Variants in GRK5 observed in about 807,000 individuals in gnomAD.
GRK5 encodes the protein g protein-coupled receptor kinase GRK5.
Under a neutral mutation model 78.4 loss-of-function variants are expected in GRK5, and 40 were observed. That is an observed-to-expected ratio of 0.51 (90% CI 0.40 to 0.66). The LOEUF is 0.66. Among genes scored for constraint, GRK5 ranks in the 30% least tolerant of loss-of-function variants. GRK5 has a pLI of 0.00. For synonymous variants in GRK5, 289 were observed against 296.8 expected, an observed-to-expected ratio of 0.97 and a Z score of 0.27; for missense variants, 598 against 759.9, an observed-to-expected ratio of 0.79 and a Z score of 2.50.
At chr10:119,275,940 C>G (rs974661155) in intron 1 of GRK5, among the ~76,000 whole-genome samples, 4 of 152,156 alleles carry the variant, frequency 2.6e-5, no homozygotes, top group Admixed American at 6.5e-5. Flanking sequence ...ACCCGATTTT[C>G]CATAGCTGTG....
chr10:119,316,251 C>A (rs982944254), intron 1 of GRK5, among the ~76,000 whole-genome samples: 1 of 152,236 alleles, frequency 6.6e-6, no homozygotes, highest in African/African-American at 2.4e-5. Flanking sequence ...ACTCTAGAGT[C>A]ACCTGTGACA....
rs1049268943 is a variant in GRK5 at position 119,415,335 on chromosome 10, G to A, written c.340-7831G>A. ...TCCAGTAGCCAGAAAGCTGGAGCTC[G>A]CCCAGGAAACAGCCAGTGTGGGGCC... On this transcript the variant is annotated intron_variant, in intron 4 of 15. Coordinates refer to ENST00000392870, the MANE Select transcript of GRK5 (RefSeq NM_005308.3). Among the ~76,000 whole-genome samples, 6 of 152,098 alleles carry A rather than the reference G, an allele frequency of 3.9e-5. 1 individual carries two copies. Among genetic ancestry groups the A allele is most frequent in the South Asian group, 4.1e-4 (2 of 4,826 alleles).
chr10:119,300,762 G>A (rs1411575050), intron 1 of GRK5, among the ~76,000 whole-genome samples: 1 of 152,132 alleles, frequency 6.6e-6, no homozygotes, highest in African/African-American at 2.4e-5. Context: ...AGACCATGGG[G>A]TTTGCTTTTT....
intron 1 of GRK5, among the ~76,000 whole-genome samples, chr10:119,297,806 C>T (rs1283780216): frequency 6.6e-6 from 1 of 152,196 alleles, no homozygotes; most frequent in Non-Finnish European, 1.5e-5. Context: ...ATAAATAAAC[C>T]TCTGTTGTTT....
At chr10:119,356,184 G>T (rs1218557232) in intron 2 of GRK5, among the ~76,000 whole-genome samples, 1 of 152,206 alleles carries the variant, frequency 6.6e-6, no homozygotes, top group East Asian at 1.9e-4. Flanking sequence ...GCTGTATTCA[G>T]ACTAAAGGAC....
intron 2 of GRK5, among the ~76,000 whole-genome samples, chr10:119,335,462 C>T (rs1850868043): frequency 6.6e-6 from 1 of 152,092 alleles, no homozygotes; most frequent in Non-Finnish European, 1.5e-5. Flanking sequence ...CTCCCAGATT[C>T]AAGCAATTCT....
rs182386986 is a variant in GRK5 at position 119,393,611 on chromosome 10, G to A, written c.262-3084G>A. ...TACATTCCCACGGTGCCGGACCAAC[G>A]GCGGGCTGTCCAGGGGCAGCAGGAC... On this transcript the variant is annotated intron_variant, in intron 3 of 15. Transcript: ENST00000392870. Among the ~76,000 whole-genome samples, 16 of 152,322 alleles carry A rather than the reference G, an allele frequency of 1.1e-4. No homozygotes were observed. The East Asian group carries it at 2.1e-3, about 20-fold the overall frequency.
chr10:119,216,172 G>A lies in GRK5; in HGVS notation c.52+8203G>A, dbSNP rs117775978. ...TCCGAAGCAAGGGAGTCTATCTGAC[G>A]TACCAGAGTCAACTGGTGACATCCT... On this transcript the variant is annotated intron_variant, in intron 1 of 15. Transcript: ENST00000392870. Among the ~76,000 whole-genome samples, 1,081 of 152,310 alleles carry A rather than the reference G, an allele frequency of 7.1e-3. 6 individuals carry two copies. Among genetic ancestry groups the A allele is most frequent in the Non-Finnish European group, 9.7e-3 (661 of 68,024 alleles).
At chr10:119,248,624 G>A (rs140600450) in intron 1 of GRK5, among the ~76,000 whole-genome samples, 77 of 152,120 alleles carry the variant, frequency 5.1e-4, no homozygotes, top group South Asian at 4.6e-3. Context: ...GGGGTGGCAA[G>A]CTATAGCCTC....
At position 119,238,513 on chromosome 10, in the gene GRK5, C is replaced by G. The variant is rs1461760345; in HGVS notation, c.52+30544C>G. Reference sequence around the variant, plus strand: ...AAATTTCTGGAACTGCGTTTAGTCTCAGTACATTAGGATTATTGCTAGAAA... The same window carrying G: ...AAATTTCTGGAACTGCGTTTAGTCTGAGTACATTAGGATTATTGCTAGAAA... On this transcript the variant is annotated intron_variant, in intron 1 of 15. Coordinates refer to ENST00000392870, the MANE Select transcript of GRK5 (RefSeq NM_005308.3). The surrounding 1 kb of genome is among the most constrained non-coding windows in gnomAD (Gnocchi z 4.7). Among the ~76,000 whole-genome samples the G allele has an allele frequency of 6.6e-6, 1 of 152,106 alleles. No homozygotes were observed. The highest frequency in any genetic ancestry group is 1.5e-5 in the Non-Finnish European group (1 of 68,032).
intron 2 of GRK5, chr10:119,334,988 G>C (rs879617784): frequency 6.6e-6 from 1 of 152,138 alleles, no homozygotes; most frequent in Non-Finnish European, 1.5e-5. Context: ...GGCTGTGGGG[G>C]ATTCCTAGAG....
In GRK5 at chr10:119,215,088, G is replaced by A. The variant is rs146684515; in HGVS notation, c.52+7119G>A. On this transcript the variant is annotated intron_variant, in intron 1 of 15. Coordinates refer to ENST00000392870, the MANE Select transcript of GRK5 (RefSeq NM_005308.3). ...TTTGACATAGCCTGTCACAGGGAAT[G>A]ACCGAAAAGATTAAAGGTACCTGTT... 2.9e-3 allele frequency among the ~76,000 whole-genome samples: 438 copies of A among 152,346 alleles called. 3 individuals are homozygous for A. The highest frequency in any genetic ancestry group is 9.8e-3 in the African/African-American group (407 of 41,588).
chr10:119,250,184 G>A (rs773916733), intron 1 of GRK5, among the ~76,000 whole-genome samples: 8 of 152,182 alleles, frequency 5.3e-5, no homozygotes, highest in Admixed American at 1.3e-4. Context: ...AGTCTCTTCT[G>A]TGTTAAGCCT....
chr10:119,378,613 G>A lies in GRK5; in HGVS notation c.149-2202G>A, dbSNP rs1182122341. On this transcript the variant is annotated intron_variant, in intron 2 of 15. Transcript: ENST00000392870. The surrounding 1 kb of genome is among the most constrained non-coding windows in gnomAD (Gnocchi z 4.5). The stretch of plus-strand genomic sequence containing the variant: ...GTCCCCGTGTGGTGAATAAATGCCC[G>A]GGAGGGCGGGCTGCCTTCAGGGCTC... 6.6e-6 allele frequency among the ~76,000 whole-genome samples: 1 copy of A among 152,252 alleles called. No homozygotes were observed. The highest frequency in any genetic ancestry group is 2.4e-5 in the African/African-American group (1 of 41,478).
At chr10:119,399,405 G>C (rs990280647) in intron 4 of GRK5, among the ~76,000 whole-genome samples, 1 of 152,214 alleles carries the variant, frequency 6.6e-6, no homozygotes, top group Non-Finnish European at 1.5e-5. Context: ...GCGAGTGACT[G>C]AGGCCCCAGC....
Position 119,431,427 on chromosome 10 carries a change from C to T in GRK5, c.638C>T (p.Ala213Val). Residue 213 changes from alanine to valine, a missense_variant, in exon 8 of 16, where the codon GCC becomes GTC. Physicochemically the swap from Ala to Val is moderately conservative, Grantham distance 64 (BLOSUM62 0). Coordinates refer to ENST00000392870, the MANE Select transcript of GRK5 (RefSeq NM_005308.3). The surrounding 1 kb of genome is among the most constrained non-coding windows in gnomAD (Gnocchi z 4.8). ...CQVRATGKMY[A>V]CKRLEKKRIK... ...GTTCGGGCCACGGGTAAAATGTATG[C>T]CTGCAAGCGCTTGGAGAAGAAGAGG... The T allele has an allele frequency of 1.9e-6, 3 of 1,613,930 alleles. No homozygotes were observed. The highest frequency in any genetic ancestry group is 2.5e-6 in the Non-Finnish European group (3 of 1,179,910).
At chr10:119,306,999 C>T (rs935262284) in intron 1 of GRK5, among the ~76,000 whole-genome samples, 4 of 152,050 alleles carry the variant, frequency 2.6e-5, no homozygotes, top group Admixed American at 1.3e-4. Flanking sequence ...GAGGAGCAGG[C>T]GTGGGTGATC....
intron 1 of GRK5, among the ~76,000 whole-genome samples, chr10:119,324,836 A>G (rs748792032): frequency 6.6e-6 from 1 of 152,242 alleles, no homozygotes; most frequent in African/African-American, 2.4e-5. Context: ...TCAAAGAGTC[A>G]TTCTGAGGAT....
intron 2 of GRK5, among the ~76,000 whole-genome samples, chr10:119,341,358 C>T (rs796083514): frequency 2.0e-5 from 3 of 152,358 alleles, no homozygotes; most frequent in South Asian, 4.1e-4. Context: ...GGCCTCTCCG[C>T]CCTTGCTGAC....
Sources: allele counts gnomAD v4.1 joint callset (sites outside exome capture counted in the v4.1 genomes callset), GRCh38; gene constraint gnomAD v4.1.1; non-coding constraint Gnocchi (gnomAD v3.1); transcripts MANE v1.5; gene names NCBI Gene and HGNC (gene_info 2026-07-23, HGNC 2026-07-21).